Variants in GRIA1 observed in about 807,000 individuals in gnomAD.
GRIA1 encodes the protein glutamate ionotropic receptor AMPA type subunit 1, also known as glutamate receptor 1.
A neutral mutation model predicts 99.2 loss-of-function variants in GRIA1; 31 were observed. The observed-to-expected ratio is 0.31, with a 90% CI of 0.23 to 0.42. The LOEUF (loss-of-function observed/expected upper bound fraction) is 0.42. Ranked by LOEUF, GRIA1 falls within the 10% of genes least tolerant of loss-of-function variation. The pLI, the probability that GRIA1 is intolerant of heterozygous loss-of-function variation, is 1.00. For missense variants in GRIA1, 782 were observed against 1,157.5 expected, an observed-to-expected ratio of 0.68 and a Z score of 4.71; for synonymous variants, 438 against 432.4, an observed-to-expected ratio of 1.01 and a Z score of -0.16.
At chr5:153,788,785 A>G (rs1009808006) in intron 13 of GRIA1, among the ~76,000 whole-genome samples, 6 of 152,234 alleles carry the variant, frequency 3.9e-5, no homozygotes, top group Admixed American at 2.6e-4. Flanking sequence ...CTGTTCAGCT[A>G]TATTCATGGT....
At chr5:153,493,647 A>T (rs1232594638) in intron 1 of GRIA1, among the ~76,000 whole-genome samples, 1 of 152,248 alleles carries the variant, frequency 6.6e-6, no homozygotes, top group African/African-American at 2.4e-5. Flanking sequence ...GAAATGGCAC[A>T]AGTCTCCTGT....
At chr5:153,730,212 A>G (rs1760907284) in intron 11 of GRIA1, among the ~76,000 whole-genome samples, 1 of 151,994 alleles carries the variant, frequency 6.6e-6, no homozygotes, top group Non-Finnish European at 1.5e-5. Context: ...TATTTCTAAC[A>G]AGCTCTCAGG....
At chr5:153,698,555 T>C (rs1477783370) in intron 9 of GRIA1, among the ~76,000 whole-genome samples, 2 of 151,824 alleles carry the variant, frequency 1.3e-5, no homozygotes, top group Non-Finnish European at 2.9e-5. Context: ...CTGGAGCCTG[T>C]TTAGGGTCTA....
At chr5:153,751,464 C>T (rs938740833) in intron 11 of GRIA1, among the ~76,000 whole-genome samples, 4 of 152,240 alleles carry the variant, frequency 2.6e-5, no homozygotes, top group Non-Finnish European at 4.4e-5. Context: ...AGCCTGCCGC[C>T]TGTTTTGGCA....
chr5:153,507,928 C>T (rs1755695066), intron 2 of GRIA1, among the ~76,000 whole-genome samples: 1 of 152,182 alleles, frequency 6.6e-6, no homozygotes, highest in South Asian at 2.1e-4. Context: ...TCTTTCACTG[C>T]TTTGGTCATA....
chr5:153,707,693 T>G (rs1186014364), intron 11 of GRIA1, among the ~76,000 whole-genome samples: 1 of 152,168 alleles, frequency 6.6e-6, no homozygotes, highest in South Asian at 2.1e-4. Context: ...AGGACCAATA[T>G]TCCTAAGCGG....
intron 2 of GRIA1, among the ~76,000 whole-genome samples, chr5:153,639,255 G>C (rs72802659): frequency 0.056 from 8,474 of 152,278 alleles, 257 homozygotes; most frequent in Middle Eastern, 0.099. Context: ...AGTGATGCTA[G>C]AGCCCTCCAG....
At chr5:153,693,103 G>C (rs950071515) in intron 8 of GRIA1, among the ~76,000 whole-genome samples, 1 of 152,016 alleles carries the variant, frequency 6.6e-6, no homozygotes, top group Non-Finnish European at 1.5e-5. Flanking sequence ...TTTGGCTGAG[G>C]GTTCTGGCTA....
chr5:153,732,255 C>T (rs1761087467), intron 11 of GRIA1, among the ~76,000 whole-genome samples: 1 of 104,568 alleles, frequency 9.6e-6, no homozygotes, highest in African/African-American at 4.1e-5. Flanking sequence ...AGTGGGATTG[C>T]TGGAGTGTAT....
chr5:153,655,134 C>T (rs1754846272), intron 4 of GRIA1, among the ~76,000 whole-genome samples: 1 of 152,162 alleles, frequency 6.6e-6, no homozygotes, highest in Non-Finnish European at 1.5e-5. Flanking sequence ...AAAGCATTTT[C>T]CCTCTGTGGG....
At chr5:153,672,103 A>G (rs1448673785) in intron 5 of GRIA1, among the ~76,000 whole-genome samples, 1 of 152,234 alleles carries the variant, frequency 6.6e-6, no homozygotes, top group Non-Finnish European at 1.5e-5. Flanking sequence ...TTTCATAAAC[A>G]AGATGCCTAC....
chr5:153,778,662 C>T (rs1764433835), intron 13 of GRIA1, among the ~76,000 whole-genome samples: 2 of 150,256 alleles, frequency 1.3e-5, no homozygotes, highest in African/African-American at 5.0e-5. Flanking sequence ...CACACACACA[C>T]ACACACACAC....
chr5:153,508,508 CA>C (rs982977071), intron 2 of GRIA1, among the ~76,000 whole-genome samples: 12 of 151,162 alleles, frequency 7.9e-5, no homozygotes, highest in African/African-American at 2.7e-4. Flanking sequence ...ATTCAAAGAA[CA>C]GAAAGAAGGC....
At chr5:153,717,112 C>G (rs1165480637) in intron 11 of GRIA1, among the ~76,000 whole-genome samples, 2 of 152,126 alleles carry the variant, frequency 1.3e-5, no homozygotes, top group Non-Finnish European at 2.9e-5. Context: ...CTTGCTGATC[C>G]AAATTACAGG....
chr5:153,670,512 A>G (rs1329362335), intron 5 of GRIA1, among the ~76,000 whole-genome samples: 3 of 152,164 alleles, frequency 2.0e-5, no homozygotes, highest in Non-Finnish European at 2.9e-5. Context: ...TGTTGTAAAT[A>G]GGCAAAGTGG....
At chr5:153,721,477 A>G (rs1053289497) in intron 11 of GRIA1, among the ~76,000 whole-genome samples, 1 of 152,228 alleles carries the variant, frequency 6.6e-6, no homozygotes, top group African/African-American at 2.4e-5. Context: ...TAAGAAATAG[A>G]TGATATCAAG....
intron 2 of GRIA1, among the ~76,000 whole-genome samples, chr5:153,599,326 A>G (rs1043124577): frequency 1.3e-5 from 2 of 152,242 alleles, no homozygotes; most frequent in Admixed American, 6.5e-5. Flanking sequence ...CACTTTAGAA[A>G]GTATGAAAGA....
intron 6 of GRIA1, 53 bp from the exon 7 acceptor site, chr5:153,676,941 T>C: frequency 7.5e-7 from 1 of 1,324,828 alleles, no homozygotes; most frequent in Non-Finnish European, 9.8e-7. Flanking sequence ...CACCCAAACC[T>C]GCCTTCCTGT....
intron 11 of GRIA1, among the ~76,000 whole-genome samples, chr5:153,761,668 A>T (rs1763189010): frequency 1.3e-5 from 2 of 152,202 alleles, no homozygotes; most frequent in African/African-American, 4.8e-5. Flanking sequence ...CCATTGAGTA[A>T]ATATACAAAG....
Sources: allele counts gnomAD v4.1 joint callset (sites outside exome capture counted in the v4.1 genomes callset), GRCh38; gene constraint gnomAD v4.1.1; transcripts MANE v1.5; gene names NCBI Gene and HGNC (gene_info 2026-07-23, HGNC 2026-07-21).